The following CNBP variants were observed in gnomAD, a reference collection of about 807,000 sequenced individuals.
CNBP encodes CCHC-type zinc finger nucleic acid binding protein, also known as cellular nucleic acid-binding protein.
CNBP carries 6 observed loss-of-function variants against 21.2 expected under a neutral mutation model. The observed-to-expected ratio is 0.28, with a 90% CI of 0.16 to 0.56. The LOEUF (loss-of-function observed/expected upper bound fraction) is 0.56, where lower values mean the gene tolerates loss of function less well. Among genes scored for constraint, CNBP ranks in the 20% least tolerant of loss-of-function variants. The pLI, the probability that CNBP is intolerant of heterozygous loss-of-function variation, is 0.93. For synonymous variants in CNBP, 61 were observed against 74.9 expected (o/e 0.81, Z 0.96); for missense variants, 112 against 233.1 (o/e 0.48, Z 3.38).
At chr3:129,181,646 T>A (rs1938301529) in intron 1 of CNBP, among the ~76,000 whole-genome samples, 1 of 104 alleles carries the variant, frequency 9.6e-3, no homozygotes, top group African/African-American at 0.019. Context: ...TGAGACTCCG[T>A]CTCAGAAAAA....
chr3:129,181,239 C>CAAAAAAAAAAAAAAAA (rs10587328), intron 1 of CNBP, among the ~76,000 whole-genome samples: 15 of 53,176 alleles, frequency 2.8e-4, no homozygotes, highest in East Asian at 1.1e-3. Context: ...GACTCTGTCT[C>CAAAAAAAAAAAAAAAA]AAAAAAAAAA....
intron 1 of CNBP, among the ~76,000 whole-genome samples, chr3:129,176,039 TCA>T (rs1285123792): frequency 1.3e-5 from 2 of 152,170 alleles, no homozygotes; most frequent in Non-Finnish European, 2.9e-5. Flanking sequence ...TGTTTTAGAC[TCA>T]CACTACTTAT....
intron 1 of CNBP, among the ~76,000 whole-genome samples, chr3:129,177,892 G>A (rs1938023022): frequency 6.6e-6 from 1 of 152,142 alleles, no homozygotes; most frequent in Non-Finnish European, 1.5e-5. Context: ...GGGCGGGGTG[G>A]CCCACACCTC....
At position 129,169,161 on chromosome 3, in the gene CNBP, G is replaced by A. The variant is rs1937525079; in HGVS notation, c.*1292C>T. 6.6e-6 allele frequency among the ~76,000 whole-genome samples: 1 copy of A among 151,798 alleles called. No individual in the cohort carries two copies. Among genetic ancestry groups the A allele is most frequent in the Non-Finnish European group, 1.5e-5 (1 of 67,918 alleles). On this transcript the variant is annotated 3_prime_UTR_variant, in exon 5 of 5. Coordinates refer to ENST00000422453, the MANE Select transcript of CNBP (RefSeq NM_003418.5). ...TACAAAAAATTAGCGGGGGGTGGTG[G>A]CGGGTGCCTGTAATCCCAGCTACTC...
At position 129,169,077 on chromosome 3, in the gene CNBP, G is replaced by A. The variant is rs1015508150; in HGVS notation, c.*1376C>T. Among the ~76,000 whole-genome samples the A allele has an allele frequency of 1.6e-4, 24 of 151,504 alleles. No individual in the cohort carries two copies. Among genetic ancestry groups the A allele is most frequent in the African/African-American group, 5.8e-4 (24 of 41,250 alleles). On this transcript the variant is annotated 3_prime_UTR_variant, in exon 5 of 5. Transcript: ENST00000422453. ...AGATCGCACCACTACACTCCAGCCT[G>A]GGCAACAGAGCGACACTCTGTCTCA...
intron 1 of CNBP, among the ~76,000 whole-genome samples, chr3:129,181,817 T>C (rs1233867308): frequency 9.9e-5 from 15 of 152,082 alleles, no homozygotes; most frequent in Non-Finnish European, 1.5e-5. Flanking sequence ...GAAAAACTTA[T>C]CAAGAGATGA....
At chr3:129,175,461 C>T (rs1204307831) in intron 1 of CNBP, among the ~76,000 whole-genome samples, 21 of 140,914 alleles carry the variant, frequency 1.5e-4, no homozygotes, top group Admixed American at 7.4e-5. Context: ...GAGACAGTCT[C>T]GCTCTGTCAC....
At chr3:129,179,413 C>G (rs979170336) in intron 1 of CNBP, among the ~76,000 whole-genome samples, 1 of 152,292 alleles carries the variant, frequency 6.6e-6, no homozygotes, top group African/African-American at 2.4e-5. Flanking sequence ...GGTTCCTGAA[C>G]TTACTGCTTG....
rs1318602130 is a variant in CNBP at position 129,168,953 on chromosome 3, T to A, written c.*1500A>T. Among the ~76,000 whole-genome samples the A allele has an allele frequency of 1.6e-4, 18 of 115,054 alleles. No individual in the cohort carries two copies. The East Asian group carries it at 4.1e-3, about 26-fold the overall frequency. 75.5% of individuals were successfully genotyped at this position (115,054 alleles called of 152,430 possible). On this transcript the variant is annotated 3_prime_UTR_variant, in exon 5 of 5. Transcript: ENST00000422453. ...TTACTAAAAATACAAAAAAAAAAAA[T>A]TAGCTGGGCGCGGTGGCGGGTACCT...
chr3:129,181,024 G>T (rs941419474), intron 1 of CNBP, among the ~76,000 whole-genome samples: 1 of 151,728 alleles, frequency 6.6e-6, no homozygotes, highest in East Asian at 1.9e-4. Context: ...TGAATTACCT[G>T]AGGTCAGGAG....
At chr3:129,174,588 C>G (rs1053811262) in intron 1 of CNBP, among the ~76,000 whole-genome samples, 50 of 151,034 alleles carry the variant, frequency 3.3e-4, no homozygotes, top group Non-Finnish European at 1.3e-4. Context: ...TCTCTTGAAC[C>G]CGGGAGGTGG....
chr3:129,172,576 ACAGG>A (rs553299762), intron 1 of CNBP, among the ~76,000 whole-genome samples: 2,276 of 116,246 alleles, frequency 0.02, 34 homozygotes, highest in South Asian at 0.073. Flanking sequence ...AGTGAGACAG[ACAGG>A]CAGGCAGGCA....
At chr3:129,183,158 C>A (rs1938431913) in intron 1 of CNBP, among the ~76,000 whole-genome samples, 1 of 152,128 alleles carries the variant, frequency 6.6e-6, no homozygotes, top group Non-Finnish European at 1.5e-5. Context: ...CCATATTGGT[C>A]AGGCTGGTCT....
At chr3:129,178,782 G>A (rs557206625) in intron 1 of CNBP, among the ~76,000 whole-genome samples, 6 of 149,396 alleles carry the variant, frequency 4.0e-5, no homozygotes, top group African/African-American at 7.4e-5. Flanking sequence ...GTCTTGCTTC[G>A]CCCAGGCTGG....
intron 1 of CNBP, among the ~76,000 whole-genome samples, chr3:129,172,626 AGG>A (rs1560034737): frequency 6.9e-5 from 3 of 43,470 alleles, no homozygotes; most frequent in South Asian, 5.8e-4. Context: ...ACAGGCAGCC[AGG>A]CAGGCAGGCA....
intron 1 of CNBP, among the ~76,000 whole-genome samples, chr3:129,182,743 T>C (rs1407435632): frequency 6.6e-6 from 1 of 152,166 alleles, no homozygotes; most frequent in Admixed American, 6.6e-5. Flanking sequence ...TTAAATAGTG[T>C]TAACTCTTGG....
Position 129,171,072 on chromosome 3 carries a change from A to G in CNBP, c.416+7T>C. 1 of 1,609,352 alleles carries G rather than the reference A, an allele frequency of 6.2e-7. No individual in the cohort carries two copies. The highest frequency in any genetic ancestry group is 1.1e-5 in the South Asian group (1 of 91,022). ...AGTTTTCTTCTAACAACATTCTGAC[A>G]CCTTACCTATAGCACTTCACTTTGG... is the stretch of plus-strand genomic sequence containing the variant. On this transcript the variant is annotated splice_region_variant and intron_variant, in intron 4 of 4. Coordinates refer to ENST00000422453, the MANE Select transcript of CNBP (RefSeq NM_003418.5).
intron 1 of CNBP, among the ~76,000 whole-genome samples, chr3:129,182,855 AG>A (rs1938402566): frequency 6.6e-6 from 1 of 152,232 alleles, no homozygotes; most frequent in African/African-American, 2.4e-5. Context: ...TATCAAGGAT[AG>A]GGAGTATAAA....
chr3:129,174,690 G>T (rs1213858887), intron 1 of CNBP, among the ~76,000 whole-genome samples: 1 of 148,918 alleles, frequency 6.7e-6, no homozygotes. Flanking sequence ...ATATAAAATG[G>T]TCAAAGAAAA....
Sources: gnomAD v4.1 joint callset for allele counts (sites outside exome capture counted in the v4.1 genomes callset) on GRCh38, gnomAD v4.1.1 for gene constraint, MANE v1.5 for transcripts, NCBI Gene and HGNC (gene_info 2026-07-23, HGNC 2026-07-21) for gene names.